The following ARSL variants were observed in gnomAD, a reference collection of about 807,000 sequenced individuals.
ARSL encodes the protein arylsulfatase L.
A neutral mutation model predicts 31.1 loss-of-function variants in ARSL; 4 were observed. The observed-to-expected ratio is 0.13, with a 90% CI of 0.06 to 0.29. ARSL has a LOEUF of 0.29. ARSL is among the 10% of genes least tolerant of loss of function. The probability of loss-of-function intolerance (pLI) is 1.00; values close to 1 mark genes in which losing one functional copy is unlikely to be tolerated. For synonymous variants in ARSL, 198 were observed against 209.9 expected (o/e 0.94, Z 0.49); for missense variants, 312 against 497.8 (o/e 0.63, Z 3.55).
At chrX:2,957,577 CG>C (rs1194402374) in intron 3 of ARSL, among the ~76,000 whole-genome samples, 33 of 108,213 alleles carry the variant, frequency 3.0e-4, no homozygotes, top group African/African-American at 1.1e-3. Context: ...GGCATGGTGG[CG>C]GGCGCCTGTA....
intron 7 of ARSL, among the ~76,000 whole-genome samples, chrX:2,944,229 G>A (rs1033071506): frequency 9.2e-6 from 1 of 109,055 alleles, no homozygotes; most frequent in African/African-American, 3.3e-5. Context: ...GCTGAGGCGG[G>A]CGGATCACAA....
At position 2,934,596 on chromosome X, in the gene ARSL, C is replaced by A; in HGVS notation, c.*236G>T. 2.7e-6 allele frequency: 1 copy of A among 371,988 alleles called. No individual in the cohort carries two copies. The allele number at this position is 371,988 out of a possible 1,213,427, so 30.7% of individuals were successfully genotyped here. ...GCTCAAATGATCCTCCTGCCTTAGC[C>A]TCCTGAGAAGCTAGAACTACAGGCG... is the stretch of plus-strand genomic sequence containing the variant. On this transcript the variant is annotated 3_prime_UTR_variant, in exon 11 of 11. Transcript: ENST00000381134.
chrX:2,958,471 T>C (rs756095511), intron 2 of ARSL, 36 bp from the exon 3 acceptor site: 6 of 1,204,607 alleles, frequency 5.0e-6, no homozygotes. Context: ...GTCCATCTCA[T>C]TTGCAGAACT....
intron 7 of ARSL, among the ~76,000 whole-genome samples, chrX:2,944,340 G>A (rs1210489695): frequency 1.8e-5 from 2 of 108,489 alleles, no homozygotes; most frequent in Admixed American, 9.9e-5. Context: ...TGTAAACCCA[G>A]CTACTCCGGA....
intron 1 of ARSL, among the ~76,000 whole-genome samples, chrX:2,962,988 G>C (rs771574426): frequency 9.0e-6 from 1 of 111,720 alleles, no homozygotes; most frequent in Non-Finnish European, 1.9e-5. Context: ...TTTCCAGACC[G>C]AATCAATGCA....
chrX:2,959,728 C>T (rs1156502465), intron 2 of ARSL: 9 of 1,142,026 alleles, frequency 7.9e-6, no homozygotes, highest in Middle Eastern at 2.4e-4. Flanking sequence ...CAGGATAAAT[C>T]ACTATCAGTG....
chrX:2,943,733 C>G (rs1430392865), intron 7 of ARSL, among the ~76,000 whole-genome samples: 2 of 67,420 alleles, frequency 3.0e-5, no homozygotes, highest in African/African-American at 1.4e-4. Context: ...CAGAGTGAGA[C>G]TCGGTCTCAA....
At chrX:2,961,511 T>G (rs1406401361) in intron 1 of ARSL, among the ~76,000 whole-genome samples, 3 of 112,132 alleles carry the variant, frequency 2.7e-5, no homozygotes, top group Admixed American at 9.5e-5. Flanking sequence ...CTTTCCAATC[T>G]GACTCTGGCA....
chrX:2,944,741 G>A (rs1216550648), intron 7 of ARSL, among the ~76,000 whole-genome samples: 1 of 110,057 alleles, frequency 9.1e-6, no homozygotes, highest in African/African-American at 3.3e-5. Context: ...ACTCACTCAA[G>A]CAATATTCCC....
chrX:2,953,315 T>C (rs756886561), intron 4 of ARSL, 50 bp from the exon 5 acceptor site: 2 of 1,158,383 alleles, frequency 1.7e-6, no homozygotes, highest in Non-Finnish European at 2.3e-6. Context: ...TTTTTTTTCC[T>C]GTTTGTTATT....
At chrX:2,961,405 T>A (rs1421580363) in intron 1 of ARSL, among the ~76,000 whole-genome samples, 1 of 111,674 alleles carries the variant, frequency 9.0e-6, no homozygotes, top group Non-Finnish European at 1.9e-5. Flanking sequence ...TCTTTTTATC[T>A]TGCCCAAATT....
rs1249819593 is a variant in ARSL, at chrX:2,949,574, T to G, written c.584A>C (p.Gln195Pro). 1 of 1,211,055 alleles carries G rather than the reference T, an allele frequency of 8.3e-7. No homozygotes were observed. Among genetic ancestry groups the G allele is most frequent in the Admixed American group, 2.2e-5 (1 of 45,884 alleles). ...GACTTGGAAGAGGAAGTTGAGTTTT[T>G]GTTCCAGGTTGACACGCTTCTCTGA... ...ELSEKRVNLE[Q>P]KLNFLFQVLA... is the part of the protein sequence containing the mutation. Residue 195 changes from glutamine to proline, a missense_variant, in exon 6 of 11, where the codon CAA becomes CCA. Physicochemically the swap from Gln to Pro is moderately conservative, Grantham distance 76. Transcript: ENST00000381134.
intron 7 of ARSL, among the ~76,000 whole-genome samples, chrX:2,944,419 A>G (rs1265787305): frequency 3.9e-5 from 4 of 103,251 alleles, no homozygotes; most frequent in African/African-American, 1.1e-4. Context: ...GTGCCATTGC[A>G]CTCCAGCCTG....
intron 3 of ARSL, among the ~76,000 whole-genome samples, chrX:2,956,491 C>T (rs2089525867): frequency 9.0e-6 from 1 of 111,565 alleles, no homozygotes; most frequent in African/African-American, 3.3e-5. Flanking sequence ...GACTGAGTCT[C>T]ACTCTGTCAC....
chrX:2,959,711 C>G (rs918850451), intron 2 of ARSL: 3 of 1,146,802 alleles, frequency 2.6e-6, no homozygotes, highest in Middle Eastern at 2.4e-4. Flanking sequence ...GCTTCATTCT[C>G]CAGATGCAGG....
intron 4 of ARSL, among the ~76,000 whole-genome samples, chrX:2,954,425 A>G (rs889691121): frequency 9.0e-6 from 1 of 111,327 alleles, no homozygotes; most frequent in Non-Finnish European, 1.9e-5. Context: ...CCTTCCAAGT[A>G]GCTGGGATTA....
rs3216370 is a variant in ARSL at position 2,948,929 on chromosome X, C to CT, written c.854+374dup. On this transcript the variant is annotated intron_variant, in intron 6 of 10. Coordinates refer to ENST00000381134, the MANE Select transcript of ARSL (RefSeq NM_000047.3). ...TTCAAACGTCAATTAAAGAAAACGA[C>CT]TTTTTTTTTTTGAGACAGGTTCTCC... Among the ~76,000 whole-genome samples the CT allele has an allele frequency of 4.6e-3, 482 of 105,365 alleles. 3 individuals carry two copies. The highest frequency in any genetic ancestry group is 0.015 in the African/African-American group (429 of 29,211). 91.5% of individuals were successfully genotyped at this position (105,365 alleles called of 115,157 possible). A position where few individuals can be genotyped will look rare whatever the true frequency, so the allele number is the denominator to read the frequency against.
chrX:2,945,451 C>T (rs2089364856), intron 7 of ARSL, among the ~76,000 whole-genome samples: 1 of 111,899 alleles, frequency 8.9e-6, no homozygotes, highest in Non-Finnish European at 1.9e-5. Flanking sequence ...TACCACATGG[C>T]AATAGGACGT....
chrX:2,947,532 C>G (rs1050267889), intron 6 of ARSL, among the ~76,000 whole-genome samples: 2 of 111,980 alleles, frequency 1.8e-5, no homozygotes, highest in African/African-American at 6.5e-5. Context: ...TTCTCCCTCC[C>G]TTCACCCGGC....
Sources: gnomAD v4.1 joint callset for allele counts (sites outside exome capture counted in the v4.1 genomes callset) on GRCh38, gnomAD v4.1.1 for gene constraint, MANE v1.5 for transcripts, NCBI Gene and HGNC (gene_info 2026-07-23, HGNC 2026-07-21) for gene names.